Variants in SLCO2B1 observed in about 807,000 individuals in gnomAD.
The protein encoded by SLCO2B1 is solute carrier organic anion transporter family member 2B1.
A neutral mutation model predicts 67.3 loss-of-function variants in SLCO2B1; 41 were observed. The observed-to-expected ratio is 0.61, with a 90% CI of 0.47 to 0.79. SLCO2B1 has a LOEUF of 0.79. Ranked by LOEUF, SLCO2B1 falls within the 30% of genes least tolerant of loss-of-function variation. SLCO2B1 has a pLI of 0.00. For synonymous variants in SLCO2B1, 379 were observed against 381.4 expected (o/e 0.99, Z 0.07); for missense variants, 837 against 920.1 (o/e 0.91, Z 1.17).
At chr11:75,163,933 A>G (rs1565533985) in intron 2 of SLCO2B1, 30 bp from the exon 3 acceptor site, 7 of 1,578,280 alleles carry the variant, frequency 4.4e-6, no homozygotes, top group Non-Finnish European at 6.0e-6. Context: ...TGCACCGCCC[A>G]CCTCTGCCTG....
chr11:75,200,252 T>G lies in SLCO2B1; in HGVS notation c.1628T>G (p.Val543Gly). Residue 543 changes from valine to glycine, a missense_variant, in exon 11 of 14, where the codon GTG becomes GGG. Val to Gly is a moderately radical substitution (Grantham distance 109). Coordinates refer to ENST00000289575, the MANE Select transcript of SLCO2B1 (RefSeq NM_007256.5). The part of the protein sequence containing the change: ...QVFYTNCSCV[V>G]EGNPVLAGSC... ...TTCTACACCAACTGCAGCTGCGTGG[T>G]GGAGGGCAACCCCGTGCTGGCAGGA... 1.2e-6 allele frequency: 2 copies of G among 1,613,428 alleles called. No homozygotes were observed. Among genetic ancestry groups the G allele is most frequent in the Non-Finnish European group, 8.5e-7 (1 of 1,179,580 alleles).
rs759431902 is a variant in SLCO2B1 at position 75,193,464 on chromosome 11, G to A, written c.1322G>A (p.Gly441Glu). 1.9e-6 allele frequency: 3 copies of A among 1,612,246 alleles called. No individual in the cohort carries two copies. The highest frequency in any genetic ancestry group is 1.7e-6 in the Non-Finnish European group (2 of 1,178,582). Residue 441 changes from glycine (G) to glutamate (E), a missense_variant, in exon 9 of 14, where the codon GGA (glycine) becomes GAA (glutamate). Coordinates refer to ENST00000289575, the MANE Select transcript of SLCO2B1 (RefSeq NM_007256.5). This position sits in a 1 kb window ranked among gnomAD's most constrained non-coding sequence, Gnocchi z 4.2. ...AAGCGGCTCCACCTGGGCCCTGTGG[G>A]ATGCGGTGCCCTTTGCCTGCTGGGG... The part of the protein sequence containing the change: ...LVKRLHLGPV[G>E]CGALCLLGML...
chr11:75,181,052 G>A (rs1950085636), intron 7 of SLCO2B1, among the ~76,000 whole-genome samples: 1 of 152,186 alleles, frequency 6.6e-6, no homozygotes, highest in Non-Finnish European at 1.5e-5. Flanking sequence ...AAAGAAGCAT[G>A]GCCAGTGGCA....
At chr11:75,176,859 A>G (rs1444974345) in intron 7 of SLCO2B1, among the ~76,000 whole-genome samples, 1 of 152,172 alleles carries the variant, frequency 6.6e-6, no homozygotes, top group Non-Finnish European at 1.5e-5. Flanking sequence ...CACAGCGTCT[A>G]GACCCTGCTG....
chr11:75,172,378 G>A lies in SLCO2B1; in HGVS notation c.782-1G>A. The A allele has an allele frequency of 6.2e-7, 1 of 1,611,272 alleles. No homozygotes were observed. The highest frequency in any genetic ancestry group is 8.5e-7 in the Non-Finnish European group (1 of 1,178,256). On this transcript the variant is annotated splice_acceptor_variant, in intron 6 of 13. Transcript: ENST00000289575. LOFTEE classifies it high-confidence loss of function. ...AATGTCACCATGCTCTTCTCTTCCA[G>A]GTGGTATCAGCCTGACCATAAAGGA...
chr11:75,165,632 C>G (rs184162363), intron 3 of SLCO2B1, among the ~76,000 whole-genome samples, 155 bp from the exon 4 acceptor site: 3 of 152,216 alleles, frequency 2.0e-5, no homozygotes, highest in Non-Finnish European at 4.4e-5. Context: ...GCCGTGCGGC[C>G]CTTCCGAGGG....
intron 8 of SLCO2B1, among the ~76,000 whole-genome samples, chr11:75,192,697 C>G (rs1262992965): frequency 6.6e-6 from 1 of 152,034 alleles, no homozygotes; most frequent in Non-Finnish European, 1.5e-5. Flanking sequence ...AAAAACACAT[C>G]AAATAAGATA....
At chr11:75,203,501 G>A in intron 13 of SLCO2B1, 74 bp downstream of exon 13, 2 of 1,584,540 alleles carry the variant, frequency 1.3e-6, no homozygotes, top group Non-Finnish European at 1.7e-6. Flanking sequence ...ATACCAGCAG[G>A]GAGGGGAGGT....
intron 1 of SLCO2B1, among the ~76,000 whole-genome samples, chr11:75,153,435 C>T (rs373072485): frequency 2.7e-4 from 41 of 152,174 alleles, no homozygotes; most frequent in African/African-American, 9.9e-4. Context: ...ATGTCCTTCC[C>T]CTTTTCAATA....
chr11:75,191,038 A>G (rs1259786943), intron 8 of SLCO2B1, among the ~76,000 whole-genome samples: 1 of 152,142 alleles, frequency 6.6e-6, no homozygotes, highest in Non-Finnish European at 1.5e-5. Context: ...GAGATGGGGG[A>G]TGGCTACAAA....
chr11:75,200,265 C>T lies in SLCO2B1; in HGVS notation c.1641C>T (p.Pro547=), dbSNP rs763562275. The change falls in exon 11 of 14, where the codon CCC becomes CCT. Residue 547 remains proline, a synonymous_variant. Transcript: ENST00000289575. Reference sequence around the variant, plus strand: ...GCAGCTGCGTGGTGGAGGGCAACCCCGTGCTGGCAGGATCCTGCGACTCAA... The same window carrying T: ...GCAGCTGCGTGGTGGAGGGCAACCCTGTGCTGGCAGGATCCTGCGACTCAA... The part of the protein sequence containing the change: ...TNCSCVVEGN[P]VLAGSCDSTC... The T allele has an allele frequency of 1.2e-5, 19 of 1,613,744 alleles. No homozygotes were observed. Among genetic ancestry groups the T allele is most frequent in the East Asian group, 2.2e-5 (1 of 44,866 alleles).
intron 7 of SLCO2B1, among the ~76,000 whole-genome samples, chr11:75,176,439 AAT>A (rs1565540354): frequency 6.6e-6 from 1 of 152,142 alleles, no homozygotes; most frequent in Non-Finnish European, 1.5e-5. Flanking sequence ...TTATTTCTGG[AAT>A]ATGTCTGAGA....
intron 7 of SLCO2B1, among the ~76,000 whole-genome samples, chr11:75,177,556 G>A (rs768652271): frequency 3.9e-5 from 6 of 152,210 alleles, no homozygotes; most frequent in African/African-American, 9.7e-5. Context: ...AAGACATAGG[G>A]TTTATTGAGG....
At chr11:75,173,685 C>T (rs1949991966) in intron 7 of SLCO2B1, among the ~76,000 whole-genome samples, 1 of 152,120 alleles carries the variant, frequency 6.6e-6, no homozygotes, top group Non-Finnish European at 1.5e-5. Flanking sequence ...AGCCACCAGG[C>T]AGGATAGCCA....
intron 1 of SLCO2B1, among the ~76,000 whole-genome samples, chr11:75,162,286 AG>A (rs1949830171): frequency 6.6e-6 from 1 of 152,204 alleles, no homozygotes; most frequent in Non-Finnish European, 1.5e-5. Flanking sequence ...AACCCAAGGC[AG>A]GCTGAGAGTC....
chr11:75,156,427 C>T (rs1949746742), intron 1 of SLCO2B1, among the ~76,000 whole-genome samples: 1 of 151,992 alleles, frequency 6.6e-6, no homozygotes, highest in South Asian at 2.1e-4. Flanking sequence ...GGGGGATCTG[C>T]AGGCCCAGGG....
intron 8 of SLCO2B1, among the ~76,000 whole-genome samples, chr11:75,188,511 A>G (rs1944970941): frequency 6.6e-6 from 1 of 152,156 alleles, no homozygotes; most frequent in Non-Finnish European, 1.5e-5. Flanking sequence ...GGATCACTTG[A>G]GGTCAGAAGT....
At chr11:75,159,123 G>A (rs1306606544) in intron 1 of SLCO2B1, among the ~76,000 whole-genome samples, 2 of 152,240 alleles carry the variant, frequency 1.3e-5, no homozygotes, top group African/African-American at 2.4e-5. Context: ...CTGACTGACG[G>A]CCTGAACGGA....
chr11:75,206,433 G>A lies in SLCO2B1; in HGVS notation c.*1853G>A, dbSNP rs925083867. On this transcript the variant is annotated 3_prime_UTR_variant, in exon 14 of 14. Transcript: ENST00000289575. ...GTCTAATTTTTGTTTGAGTGTCTTC[G>A]TCTACTAATGGTTTCAAAAATGGAA... is the stretch of plus-strand genomic sequence containing the variant. 3 of 151,916 alleles carry A rather than the reference G, an allele frequency of 2.0e-5. No individual in the cohort carries two copies. The highest frequency in any genetic ancestry group is 1.9e-4 in the East Asian group (1 of 5,184). 9.4% of individuals were successfully genotyped at this position (151,916 alleles called of 1,614,324 possible). A position where few individuals can be genotyped will look rare whatever the true frequency, so the allele number is the denominator to read the frequency against.
Sources: gnomAD v4.1 joint callset for allele counts (sites outside exome capture counted in the v4.1 genomes callset) on GRCh38, gnomAD v4.1.1 for gene constraint, Gnocchi (gnomAD v3.1) non-coding constraint, MANE v1.5 for transcripts, NCBI Gene and HGNC (gene_info 2026-07-23, HGNC 2026-07-21) for gene names.